Variants in LINGO2 observed in about 807,000 individuals in gnomAD.
LINGO2 encodes leucine rich repeat and Ig domain containing 2, also known as leucine-rich repeat and immunoglobulin-like domain-containing nogo receptor-interacting protein 2.
In LINGO2, 14 loss-of-function variants were observed where a neutral mutation model predicts 30.6. The observed-to-expected ratio is 0.46, with a 90% CI of 0.30 to 0.72. The LOEUF (loss-of-function observed/expected upper bound fraction) is 0.72. Among genes scored for constraint, LINGO2 ranks in the 30% least tolerant of loss-of-function variants. The pLI, the probability that LINGO2 is intolerant of heterozygous loss-of-function variation, is 0.07. For synonymous variants in LINGO2, 317 were observed against 288.5 expected, an observed-to-expected ratio of 1.10 and a Z score of -1.00; for missense variants, 729 against 751.7, an observed-to-expected ratio of 0.97 and a Z score of 0.35.
chr9:28,219,021 G>C (rs540740876), intron 4 of LINGO2, among the ~76,000 whole-genome samples: 1 of 152,224 alleles, frequency 6.6e-6, no homozygotes. Context: ...TAATCATTTA[G>C]TCCTTTAAAT....
At chr9:29,212,726 G>T in the LINGO2 span, among the ~76,000 whole-genome samples, 1 of 152,188 alleles carries the variant, frequency 6.6e-6, no homozygotes, top group East Asian at 1.9e-4. Context: ...GTGAGGACAG[G>T]ACACTCCTCT....
the LINGO2 span, among the ~76,000 whole-genome samples, chr9:28,718,506 T>TA: frequency 6.6e-6 from 1 of 152,066 alleles, no homozygotes; most frequent in South Asian, 2.1e-4. Context: ...ACTTACTTCA[T>TA]AATTGCTTGA....
chr9:28,458,841 C>A (rs142602751), intron 2 of LINGO2, among the ~76,000 whole-genome samples: 3 of 152,126 alleles, frequency 2.0e-5, no homozygotes, highest in East Asian at 1.9e-4. Flanking sequence ...GAACTTTGCT[C>A]AAAAAATCCA....
chr9:27,990,465 C>CCA (rs1554650638), intron 5 of LINGO2, among the ~76,000 whole-genome samples: 3 of 116,082 alleles, frequency 2.6e-5, no homozygotes, highest in African/African-American at 5.8e-5. Flanking sequence ...TCTCAATACC[C>CCA]CCCCCCCTTT....
At chr9:28,551,195 A>G (rs754715729) in intron 1 of LINGO2, among the ~76,000 whole-genome samples, 1 of 151,908 alleles carries the variant, frequency 6.6e-6, no homozygotes, top group Non-Finnish European at 1.5e-5. Flanking sequence ...AGATTACTAA[A>G]ATAAAACTAG....
chr9:28,606,408 A>G (rs1002259599), intron 1 of LINGO2, among the ~76,000 whole-genome samples: 2 of 151,958 alleles, frequency 1.3e-5, no homozygotes, highest in African/African-American at 4.8e-5. Flanking sequence ...CTGGAGAATA[A>G]ATGACTTTAC....
At chr9:28,823,477 T>C in the LINGO2 span, among the ~76,000 whole-genome samples, 143,521 of 152,262 alleles carry the variant, frequency 0.94, 68,270 homozygotes, top group East Asian at 1. Flanking sequence ...AAATCTATGG[T>C]ACTATCTCTG....
intron 4 of LINGO2, among the ~76,000 whole-genome samples, chr9:28,012,817 C>T (rs1354964702): frequency 6.6e-6 from 1 of 152,012 alleles, no homozygotes; most frequent in Admixed American, 6.6e-5. Flanking sequence ...ATGATATCTC[C>T]ATTCAAAAAC....
At chr9:29,213,013 C>G in the LINGO2 span, among the ~76,000 whole-genome samples, 1 of 152,290 alleles carries the variant, frequency 6.6e-6, no homozygotes, top group East Asian at 1.9e-4. Flanking sequence ...TGGACTTCCC[C>G]CTCCTCAGCT....
chr9:28,339,571 C>G (rs1825699534), intron 3 of LINGO2, among the ~76,000 whole-genome samples: 1 of 152,000 alleles, frequency 6.6e-6, no homozygotes, highest in Non-Finnish European at 1.5e-5. Flanking sequence ...TTTTTAATGT[C>G]AACATATTTT....
At chr9:28,164,497 C>T (rs1587119518) in intron 4 of LINGO2, among the ~76,000 whole-genome samples, 2 of 151,994 alleles carry the variant, frequency 1.3e-5, no homozygotes, top group Non-Finnish European at 2.9e-5. Context: ...AATAATTTTC[C>T]CAAGAATACA....
At chr9:28,899,733 G>T in the LINGO2 span, among the ~76,000 whole-genome samples, 1 of 152,274 alleles carries the variant, frequency 6.6e-6, no homozygotes, top group African/African-American at 2.4e-5. Context: ...CTTCAGGCCT[G>T]CCTAGTGCCA....
chr9:28,204,570 G>T (rs573461983), intron 4 of LINGO2, among the ~76,000 whole-genome samples: 5 of 152,216 alleles, frequency 3.3e-5, no homozygotes, highest in South Asian at 2.1e-4. Context: ...GGCATATCTT[G>T]TATGTGCCTG....
At chr9:28,771,268 C>CTT in the LINGO2 span, among the ~76,000 whole-genome samples, 53 of 146,868 alleles carry the variant, frequency 3.6e-4, no homozygotes, top group Middle Eastern at 3.5e-3. Context: ...GAACAAAGAG[C>CTT]TTTTTTTTTT....
chr9:28,794,129 C>T, the LINGO2 span, among the ~76,000 whole-genome samples: 1 of 152,098 alleles, frequency 6.6e-6, no homozygotes, highest in Non-Finnish European at 1.5e-5. Flanking sequence ...CATAGTGAAA[C>T]CCCGTCTGTA....
At chr9:29,189,847 C>CA in the LINGO2 span, among the ~76,000 whole-genome samples, 14 of 151,550 alleles carry the variant, frequency 9.2e-5, no homozygotes, top group African/African-American at 3.4e-4. Flanking sequence ...CCGTCTCCAC[C>CA]AAAAAAATAC....
chr9:28,374,739 C>G (rs1326898121), intron 2 of LINGO2, among the ~76,000 whole-genome samples: 1 of 152,082 alleles, frequency 6.6e-6, no homozygotes, highest in East Asian at 1.9e-4. Flanking sequence ...TTTCAATATT[C>G]TATAATAACC....
At chr9:29,032,220 T>C in the LINGO2 span, among the ~76,000 whole-genome samples, 2 of 152,202 alleles carry the variant, frequency 1.3e-5, no homozygotes, top group Non-Finnish European at 2.9e-5. Context: ...GTTATCAGTA[T>C]ATATTTCTAA....
At position 28,002,286 on chromosome 9, in the gene LINGO2, G is replaced by A. The variant is rs566290860; in HGVS notation, c.-36+10069C>T. Among the ~76,000 whole-genome samples the A allele has an allele frequency of 1.1e-3, 157 of 148,562 alleles. 1 individual carries two copies. The highest frequency in any genetic ancestry group is 3.4e-3 in the African/African-American group (136 of 40,050). ...CTCCATTTTTTTTTTGTTCCCTCTC[G>A]TATTTCAATTTGTTTCATATGACAA... is the stretch of plus-strand genomic sequence containing the variant. On this transcript the variant is annotated intron_variant, in intron 5 of 5. Transcript: ENST00000379992.
Sources: allele counts gnomAD v4.1 joint callset (sites outside exome capture counted in the v4.1 genomes callset), GRCh38; gene constraint gnomAD v4.1.1; transcripts MANE v1.5; gene names NCBI Gene and HGNC (gene_info 2026-07-23, HGNC 2026-07-21).